Variants in SLC24A2 observed in about 807,000 individuals in gnomAD.
SLC24A2 encodes sodium/potassium/calcium exchanger 2.
Under a neutral mutation model 62.0 loss-of-function variants are expected in SLC24A2, and 36 were observed. The ratio of observed to expected loss-of-function variants is 0.58; its 90% CI spans 0.44 to 0.77. The LOEUF (loss-of-function observed/expected upper bound fraction) is 0.77. SLC24A2 is among the 30% of genes least tolerant of loss of function. The pLI is 0.00. For missense variants in SLC24A2, 846 were observed against 817.9 expected (o/e 1.03, Z -0.42); for synonymous variants, 358 against 294.0 (o/e 1.22, Z -2.23).
At chr9:19,676,324 A>G (rs1172475241) in intron 2 of SLC24A2, among the ~76,000 whole-genome samples, 2 of 152,202 alleles carry the variant, frequency 1.3e-5, no homozygotes, top group South Asian at 4.1e-4. Context: ...TTGGAGCACA[A>G]GTTCACAATG....
At chr9:20,047,915 T>C in the SLC24A2 span, among the ~76,000 whole-genome samples, 4 of 151,982 alleles carry the variant, frequency 2.6e-5, no homozygotes, top group East Asian at 5.9e-4. Flanking sequence ...TAGTAGTAGA[T>C]AGATAATAGT....
the SLC24A2 span, among the ~76,000 whole-genome samples, chr9:20,290,406 G>C: frequency 7.1e-3 from 1,082 of 152,286 alleles, 14 homozygotes; most frequent in African/African-American, 0.025. Context: ...ATCTCATCTT[G>C]CCTGTAATCT....
chr9:19,860,583 T>A, the SLC24A2 span, among the ~76,000 whole-genome samples: 2 of 152,086 alleles, frequency 1.3e-5, no homozygotes, highest in African/African-American at 4.8e-5. Flanking sequence ...AATAAAACTT[T>A]ATCTTGCACC....
the SLC24A2 span, among the ~76,000 whole-genome samples, chr9:20,096,250 T>C: frequency 6.6e-6 from 1 of 152,226 alleles, no homozygotes; most frequent in East Asian, 1.9e-4. Context: ...TGTATCATAG[T>C]ATTACCAGGT....
At chr9:20,050,417 A>C in the SLC24A2 span, among the ~76,000 whole-genome samples, 1 of 152,102 alleles carries the variant, frequency 6.6e-6, no homozygotes, top group African/African-American at 2.4e-5. Context: ...CTGTGCCTCA[A>C]ATAAATAAAT....
the SLC24A2 span, among the ~76,000 whole-genome samples, chr9:20,228,219 T>C: frequency 9.9e-5 from 15 of 152,272 alleles, no homozygotes; most frequent in African/African-American, 3.6e-4. Context: ...TTGACCTAAA[T>C]TTCCTCTTAG....
the SLC24A2 span, among the ~76,000 whole-genome samples, chr9:20,082,915 TA>T: frequency 6.6e-6 from 1 of 152,242 alleles, no homozygotes; most frequent in East Asian, 1.9e-4. Flanking sequence ...ATTTTTAATA[TA>T]AACAGTGTCT....
At chr9:19,988,198 A>G in the SLC24A2 span, among the ~76,000 whole-genome samples, 280 of 152,226 alleles carry the variant, frequency 1.8e-3, 6 homozygotes, top group African/African-American at 6.3e-3. Context: ...GTCTTCCCAG[A>G]CAAGCTACCT....
the SLC24A2 span, among the ~76,000 whole-genome samples, chr9:20,115,008 C>T: frequency 7.9e-5 from 12 of 152,086 alleles, no homozygotes; most frequent in East Asian, 1.9e-4. Context: ...AACTTAAATA[C>T]GCTTTTCATA....
intron 2 of SLC24A2, among the ~76,000 whole-genome samples, chr9:19,730,708 G>A (rs373887275): frequency 1.2e-3 from 176 of 152,154 alleles, no homozygotes; most frequent in African/African-American, 3.3e-3. Context: ...TTTATTGCCT[G>A]AATTGCTAAA....
the SLC24A2 span, among the ~76,000 whole-genome samples, chr9:20,081,838 G>A: frequency 5.5e-4 from 83 of 152,194 alleles, 1 homozygote; most frequent in African/African-American, 1.9e-3. Flanking sequence ...TTCTATGCCT[G>A]AATTTATAAC....
chr9:19,995,106 AATT>A, the SLC24A2 span, among the ~76,000 whole-genome samples: 3 of 150,096 alleles, frequency 2.0e-5, no homozygotes, highest in Admixed American at 1.3e-4. Flanking sequence ...ATAGAAGGAT[AATT>A]ATTTCCCTTA....
chr9:19,673,693 A>C (rs1247616291), intron 2 of SLC24A2, among the ~76,000 whole-genome samples: 1 of 152,062 alleles, frequency 6.6e-6, no homozygotes, highest in Admixed American at 6.6e-5. Context: ...CAAGTGATCC[A>C]CCTGCTTTGG....
At chr9:20,103,591 T>C in the SLC24A2 span, among the ~76,000 whole-genome samples, 5 of 152,118 alleles carry the variant, frequency 3.3e-5, no homozygotes, top group African/African-American at 4.8e-5. Flanking sequence ...GCAAACAGGG[T>C]CTGGAGTGGA....
intron 7 of SLC24A2, among the ~76,000 whole-genome samples, chr9:19,563,834 C>CT (rs1835535451): frequency 4.0e-5 from 3 of 75,098 alleles, no homozygotes; most frequent in Admixed American, 2.5e-4. Flanking sequence ...TCCTCCCTCC[C>CT]TCCCTCCCTC....
intron 2 of SLC24A2, among the ~76,000 whole-genome samples, chr9:19,650,291 G>A (rs1292511562): frequency 6.6e-6 from 1 of 152,186 alleles, no homozygotes; most frequent in African/African-American, 2.4e-5. Flanking sequence ...AGTCTATGTT[G>A]GCAGTAAAGG....
intron 2 of SLC24A2, among the ~76,000 whole-genome samples, chr9:19,686,294 T>C (rs1053770630): frequency 1.3e-5 from 2 of 152,122 alleles, no homozygotes; most frequent in Non-Finnish European, 2.9e-5. Context: ...AGGGAATGCT[T>C]AGACACTGTT....
the SLC24A2 span, among the ~76,000 whole-genome samples, chr9:19,916,862 A>G: frequency 2.6e-5 from 4 of 152,008 alleles, 1 homozygote; most frequent in South Asian, 8.3e-4. Flanking sequence ...AAGTAGAATC[A>G]CTGGGTCAAA....
the SLC24A2 span, among the ~76,000 whole-genome samples, chr9:20,299,092 C>T: frequency 2.6e-5 from 4 of 152,138 alleles, no homozygotes; most frequent in African/African-American, 9.7e-5. Context: ...GATAAATAAG[C>T]AAGAATGGCT....
Sources: gnomAD v4.1 joint callset for allele counts (sites outside exome capture counted in the v4.1 genomes callset) on GRCh38, gnomAD v4.1.1 for gene constraint, MANE v1.5 for transcripts, NCBI Gene and HGNC (gene_info 2026-07-23, HGNC 2026-07-21) for gene names.